MYO10: variants seen among roughly 807,000 people sequenced by gnomAD.
MYO10 encodes the protein unconventional myosin-X.
MYO10 carries 133 observed loss-of-function variants against 257.3 expected under a neutral mutation model. The observed-to-expected ratio is 0.52, with a 90% CI of 0.45 to 0.60. The LOEUF is 0.60. MYO10 is among the 20% of genes least tolerant of loss of function. The pLI, the probability that MYO10 is intolerant of heterozygous loss-of-function variation, is 0.00. For synonymous variants in MYO10, 1,104 were observed against 1,028.6 expected, an observed-to-expected ratio of 1.07 and a Z score of -1.40; for missense variants, 2,399 against 2,635.7, an observed-to-expected ratio of 0.91 and a Z score of 1.97.
intron 2 of MYO10, among the ~76,000 whole-genome samples, chr5:16,865,577 G>A (rs997964293): frequency 2.0e-5 from 3 of 152,242 alleles, no homozygotes; most frequent in Admixed American, 2.0e-4. Context: ...TTGGGAGGCC[G>A]AGGTGGGTGG....
intron 10 of MYO10, among the ~76,000 whole-genome samples, chr5:16,768,687 T>C (rs1326918031): frequency 7.0e-5 from 10 of 143,574 alleles, no homozygotes; most frequent in Non-Finnish European, 1.4e-4. Context: ...TTTTTTTTTT[T>C]TTGGTGATAC....
At position 16,893,169 on chromosome 5, in the gene MYO10, C is replaced by CCTGG. The variant is rs1386092232; in HGVS notation, c.22-15466_22-15463dup. Among the ~76,000 whole-genome samples the CCTGG allele has an allele frequency of 1.1e-4, 14 of 123,766 alleles. No homozygotes were observed. In the Admixed American group the frequency reaches 1.3e-3, roughly 12 times the overall value. 81.2% of individuals were successfully genotyped at this position (123,766 alleles called of 152,430 possible). ...CCGAGATTGCGCCACTGCACTCCAGCCTGGGTGACACAGTGAGACTCTGTC... is the reference window on the plus strand; with the variant it reads ...CCGAGATTGCGCCACTGCACTCCAGCCTGGCTGGGTGACACAGTGAGACTCTGTC... On this transcript the variant is annotated intron_variant, in intron 1 of 40. Coordinates refer to ENST00000513610, the MANE Select transcript of MYO10 (RefSeq NM_012334.3).
At chr5:16,930,194 G>A (rs116000421) in intron 1 of MYO10, among the ~76,000 whole-genome samples, 183 of 152,272 alleles carry the variant, frequency 1.2e-3, no homozygotes, top group African/African-American at 4.2e-3. Flanking sequence ...AGGTTTAGAG[G>A]TAAGAGAATA....
intron 1 of MYO10, among the ~76,000 whole-genome samples, chr5:16,931,004 G>T (rs1324356569): frequency 6.6e-6 from 1 of 152,194 alleles, no homozygotes; most frequent in Non-Finnish European, 1.5e-5. Context: ...GGGCATGGTG[G>T]CTCATGCCTG....
In MYO10 at chr5:16,710,941, G is replaced by A; in HGVS notation, c.2136C>T (p.Ala712=). The change falls in exon 21 of 41, where the codon GCC becomes GCT. Residue 712 remains alanine, a synonymous_variant. Transcript: ENST00000513610. ...TCCCCAGCTGCCACTCGCTGTTGGAGGCATCATAGAGCTGCAGCAGGCTCG... is the reference window on the plus strand; with the variant it reads ...TCCCCAGCTGCCACTCGCTGTTGGAAGCATCATAGAGCTGCAGCAGGCTCG... The part of the protein sequence containing the change: ...KCTSLLQLYD[A]SNSEWQLGKT... 6.2e-7 allele frequency: 1 copy of A among 1,613,796 alleles called. No individual in the cohort carries two copies. The highest frequency in any genetic ancestry group is 1.1e-5 in the South Asian group (1 of 91,020).
intron 12 of MYO10, 64 bp from the exon 13 acceptor site, chr5:16,763,819 AAAAGAC>A (rs1740790745): frequency 9.9e-7 from 1 of 1,014,722 alleles, no homozygotes. Flanking sequence ...AAAGGTGAAG[AAAAGAC>A]AAAGAAAAGA....
chr5:16,758,354 A>C (rs773569794), intron 17 of MYO10, 128 bp from the exon 18 acceptor site: 1 of 668,580 alleles, frequency 1.5e-6, no homozygotes, highest in Non-Finnish European at 2.6e-6. Flanking sequence ...TGGAAGAACT[A>C]AGACAGCTTC....
chr5:16,694,299 C>T (rs1009476299), intron 27 of MYO10, 72 bp downstream of exon 27: 11 of 1,595,392 alleles, frequency 6.9e-6, no homozygotes, highest in Admixed American at 5.1e-5. Flanking sequence ...GGAACTTGCA[C>T]AGCATGGCTC....
intron 4 of MYO10, among the ~76,000 whole-genome samples, chr5:16,793,221 C>T (rs1215770417): frequency 1.3e-5 from 2 of 152,174 alleles, no homozygotes; most frequent in Non-Finnish European, 2.9e-5. Context: ...AGGATCATCA[C>T]TAGAGCACAG....
intron 1 of MYO10, chr5:16,916,264 G>A (rs1745813987): frequency 2.6e-6 from 1 of 390,766 alleles, no homozygotes; most frequent in Non-Finnish European, 5.1e-6. Flanking sequence ...GCAGACTCGT[G>A]TTCTAACAAA....
intron 21 of MYO10, among the ~76,000 whole-genome samples, chr5:16,706,300 A>AAT (rs200664749): frequency 3.3e-5 from 5 of 151,494 alleles, no homozygotes; most frequent in African/African-American, 7.3e-5. Flanking sequence ...TATACATGAG[A>AAT]ATATATATAT....
chr5:16,935,787 C>G lies in MYO10; in HGVS notation c.21+1G>C. On this transcript the variant is annotated splice_donor_variant, in intron 1 of 40. Transcript: ENST00000513610. LOFTEE classifies it high-confidence loss of function. The stretch of plus-strand genomic sequence containing the variant: ...CCAGGTCGGACTGGGAGCGCACTTA[C>G]CTCGGTGAAGAAGTTATCCATTGTT... 1 of 1,613,440 alleles carries G rather than the reference C, an allele frequency of 6.2e-7. No homozygotes were observed. Among genetic ancestry groups the G allele is most frequent in the Non-Finnish European group, 8.5e-7 (1 of 1,179,726 alleles).
At chr5:16,739,474 T>G (rs941903924) in intron 19 of MYO10, among the ~76,000 whole-genome samples, 1 of 152,176 alleles carries the variant, frequency 6.6e-6, no homozygotes, top group Admixed American at 6.5e-5. Context: ...TGAGGGCAGT[T>G]TGGCTATATA....
chr5:16,757,945 G>A (rs921688275), intron 18 of MYO10, among the ~76,000 whole-genome samples, 173 bp downstream of exon 18: 25 of 152,234 alleles, frequency 1.6e-4, no homozygotes, highest in African/African-American at 4.8e-4. Context: ...GAATACAGGC[G>A]TGAGCCAAAA....
At chr5:16,672,064 G>A (rs886626893) in intron 37 of MYO10, among the ~76,000 whole-genome samples, 2 of 152,188 alleles carry the variant, frequency 1.3e-5, no homozygotes, top group Non-Finnish European at 2.9e-5. Flanking sequence ...GGAGGCCCAG[G>A]TGGGCGGATC....
At chr5:16,685,671 C>T in intron 29 of MYO10, 67 bp downstream of exon 29, 1 of 1,204,192 alleles carries the variant, frequency 8.3e-7, no homozygotes, top group Non-Finnish European at 1.2e-6. Flanking sequence ...CCTTTTTTAC[C>T]ATCCTGACGC....
chr5:16,757,668 CTCT>C lies in MYO10; in HGVS notation c.1848+447_1848+449del, dbSNP rs563013129. On this transcript the variant is annotated intron_variant, in intron 18 of 40. Coordinates refer to ENST00000513610, the MANE Select transcript of MYO10 (RefSeq NM_012334.3). ...AAAAAGTCTATTTTATTTCTTTTCT[CTCT>C]TTTTTTAGACAGAGTCTAGGTCTTA... Among the ~76,000 whole-genome samples the C allele has an allele frequency of 7.7e-3, 1,174 of 152,202 alleles. 11 individuals carry two copies. Among genetic ancestry groups the C allele is most frequent in the African/African-American group, 0.027 (1,121 of 41,530 alleles).
intron 1 of MYO10, among the ~76,000 whole-genome samples, chr5:16,919,834 C>G (rs555716007): frequency 2.6e-5 from 4 of 151,976 alleles, no homozygotes; most frequent in South Asian, 2.1e-4. Flanking sequence ...AAAATTAGGC[C>G]GGGTGTGGTG....
intron 2 of MYO10, among the ~76,000 whole-genome samples, chr5:16,847,321 G>C (rs1161443124): frequency 6.6e-6 from 1 of 151,770 alleles, no homozygotes; most frequent in African/African-American, 2.4e-5. Context: ...CTACTCAGGA[G>C]GCTGAGGCAG....
Sources: allele counts gnomAD v4.1 joint callset (sites outside exome capture counted in the v4.1 genomes callset), GRCh38; gene constraint gnomAD v4.1.1; transcripts MANE v1.5; gene names NCBI Gene and HGNC (gene_info 2026-07-23, HGNC 2026-07-21).